Variants in FAM168A observed in about 807,000 individuals in gnomAD.
The protein encoded by FAM168A is protein FAM168A.
A neutral mutation model predicts 28.5 loss-of-function variants in FAM168A; 3 were observed. The ratio of observed to expected loss-of-function variants is 0.11; its 90% CI spans 0.05 to 0.27. The LOEUF is 0.27. Among genes scored for constraint, FAM168A ranks in the 10% least tolerant of loss-of-function variants. The pLI, the probability that FAM168A is intolerant of heterozygous loss-of-function variation, is 1.00. For synonymous variants in FAM168A, 122 were observed against 124.2 expected (o/e 0.98, Z 0.12); for missense variants, 222 against 311.5 (o/e 0.71, Z 2.16).
intron 3 of FAM168A, chr11:73,424,953 G>GA: frequency 1.5e-6 from 2 of 1,299,288 alleles, no homozygotes; most frequent in Non-Finnish European, 1.0e-6. Flanking sequence ...GAGGAGAGGG[G>GA]ATCTACCATT....
At chr11:73,506,456 T>G (rs1247438517) in intron 1 of FAM168A, among the ~76,000 whole-genome samples, 1 of 152,174 alleles carries the variant, frequency 6.6e-6, no homozygotes, top group East Asian at 1.9e-4. Flanking sequence ...CAAAATACTT[T>G]CAACAATATT....
intron 1 of FAM168A, among the ~76,000 whole-genome samples, chr11:73,597,071 C>T (rs1372358085): frequency 2.0e-5 from 3 of 152,014 alleles, no homozygotes; most frequent in Non-Finnish European, 2.9e-5. Context: ...GTAAGATCAC[C>T]CTAAATCCAA....
At chr11:73,491,028 A>G (rs1039417089) in intron 1 of FAM168A, among the ~76,000 whole-genome samples, 16 of 152,188 alleles carry the variant, frequency 1.1e-4, no homozygotes, top group African/African-American at 3.4e-4. Flanking sequence ...ACATAATGAA[A>G]GCTCCCATTA....
intron 2 of FAM168A, among the ~76,000 whole-genome samples, chr11:73,433,897 G>A (rs554351557): frequency 1.4e-5 from 2 of 138,868 alleles, no homozygotes; most frequent in Admixed American, 7.5e-5. Flanking sequence ...CCAGGCTGGA[G>A]TGCAGTGGCG....
intron 1 of FAM168A, among the ~76,000 whole-genome samples, chr11:73,468,794 C>G (rs545983548): frequency 6.6e-6 from 1 of 152,240 alleles, no homozygotes; most frequent in African/African-American, 2.4e-5. Flanking sequence ...CACTAGAGTA[C>G]TATGTGGCAT....
At chr11:73,564,222 CACATA>C (rs1227325222) in intron 1 of FAM168A, among the ~76,000 whole-genome samples, 12 of 152,200 alleles carry the variant, frequency 7.9e-5, no homozygotes, top group Admixed American at 2.0e-4. Context: ...GAGCCTGGTT[CACATA>C]ACACTAGAGC....
chr11:73,433,641 T>C (rs1185380224), intron 2 of FAM168A, among the ~76,000 whole-genome samples: 2 of 152,164 alleles, frequency 1.3e-5, no homozygotes, highest in Admixed American at 6.5e-5. Context: ...TGTAATTACA[T>C]ATTCTTCAAA....
rs183593366 is a variant in FAM168A at position 73,406,089 on chromosome 11, C to T, written c.*674G>A. On this transcript the variant is annotated 3_prime_UTR_variant, in exon 8 of 8. Transcript: ENST00000356467. ...AAGCACCGCTCCTCCCTTCTTCCCT[C>T]TCCTTCCCCACAATGCCCTCCCTCC... 12 of 152,332 alleles carry T rather than the reference C, an allele frequency of 7.9e-5. No homozygotes were observed. The highest frequency in any genetic ancestry group is 2.9e-4 in the African/African-American group (12 of 41,508). The allele number at this position is 152,332 out of a possible 1,614,324, so 9.4% of individuals were successfully genotyped here.
intron 1 of FAM168A, among the ~76,000 whole-genome samples, chr11:73,577,601 C>T (rs1944191729): frequency 6.6e-6 from 1 of 152,154 alleles, no homozygotes; most frequent in Non-Finnish European, 1.5e-5. Context: ...CTCCTTTGAT[C>T]CTCTCAACAA....
chr11:73,553,274 T>C lies in FAM168A; in HGVS notation c.-19+44649A>G, dbSNP rs1337352733. ...CACATTTTAAATATTACCTAAGGGATTGGTCAAGTTTTTCAAGTCTCTATG... is the reference window on the plus strand; with the variant it reads ...CACATTTTAAATATTACCTAAGGGACTGGTCAAGTTTTTCAAGTCTCTATG... On this transcript the variant is annotated intron_variant, in intron 1 of 7. Transcript: ENST00000356467. 2.0e-5 allele frequency among the ~76,000 whole-genome samples: 3 copies of C among 152,112 alleles called. No homozygotes were observed. The South Asian group carries it at 6.2e-4, about 32-fold the overall frequency.
chr11:73,414,739 A>G (rs1866670212), intron 4 of FAM168A, among the ~76,000 whole-genome samples: 1 of 152,242 alleles, frequency 6.6e-6, no homozygotes, highest in Non-Finnish European at 1.5e-5. Flanking sequence ...CTTTATAGGG[A>G]CAGTAAGCTT....
chr11:73,583,065 G>C (rs1944267368), intron 1 of FAM168A, among the ~76,000 whole-genome samples: 1 of 152,160 alleles, frequency 6.6e-6, no homozygotes, highest in South Asian at 2.1e-4. Context: ...AGCACCTTGG[G>C]AGGCCAAGGC....
At chr11:73,584,574 C>T (rs996612208) in intron 1 of FAM168A, among the ~76,000 whole-genome samples, 6 of 150,384 alleles carry the variant, frequency 4.0e-5, no homozygotes, top group Non-Finnish European at 1.5e-5. Context: ...CCCGGGTTCA[C>T]GCCATTCTCC....
chr11:73,549,091 G>A (rs1344539262), intron 1 of FAM168A, among the ~76,000 whole-genome samples: 1 of 152,086 alleles, frequency 6.6e-6, no homozygotes, highest in African/African-American at 2.4e-5. Context: ...ACAGGCATGC[G>A]CCACCATGCC....
intron 3 of FAM168A, among the ~76,000 whole-genome samples, chr11:73,422,366 T>C (rs1003977732): frequency 2.6e-5 from 4 of 152,252 alleles, no homozygotes; most frequent in African/African-American, 9.6e-5. Context: ...GTGTTTTCCG[T>C]ACGCCTCTGT....
intron 3 of FAM168A, among the ~76,000 whole-genome samples, chr11:73,420,557 C>T (rs139812848): frequency 3.3e-5 from 5 of 152,236 alleles, no homozygotes; most frequent in African/African-American, 7.2e-5. Flanking sequence ...TGTGCCACAC[C>T]GAACCTAGTT....
intron 2 of FAM168A, among the ~76,000 whole-genome samples, chr11:73,460,631 G>T (rs1867629926): frequency 6.6e-6 from 1 of 150,612 alleles, no homozygotes; most frequent in African/African-American, 2.4e-5. Context: ...AGCCTCCCCA[G>T]TAGCTAGGAC....
chr11:73,592,814 G>A (rs543886077), intron 1 of FAM168A, among the ~76,000 whole-genome samples: 4 of 151,956 alleles, frequency 2.6e-5, no homozygotes, highest in Non-Finnish European at 5.9e-5. Context: ...AAGCACTTTG[G>A]GAGGCCGAGG....
At position 73,411,542 on chromosome 11, in the gene FAM168A, C is replaced by T; in HGVS notation, c.278-6G>A. 6.2e-7 allele frequency: 1 copy of T among 1,613,976 alleles called. No individual in the cohort carries two copies. The highest frequency in any genetic ancestry group is 8.5e-7 in the Non-Finnish European group (1 of 1,179,978). ...TGGTGTCCCCGCAGTATATCCTGTA[C>T]CAAGGCAATAAGAGAGACTTCCAGT... On this transcript the variant is annotated splice_polypyrimidine_tract_variant and splice_region_variant and intron_variant, in intron 4 of 7. Coordinates refer to ENST00000356467, the MANE Select transcript of FAM168A (RefSeq NM_015159.3).
Sources: gnomAD v4.1 joint callset for allele counts (sites outside exome capture counted in the v4.1 genomes callset) on GRCh38, gnomAD v4.1.1 for gene constraint, MANE v1.5 for transcripts, NCBI Gene and HGNC (gene_info 2026-07-23, HGNC 2026-07-21) for gene names.